LRP5: variants seen among roughly 807,000 people sequenced by gnomAD.
LRP5 encodes the protein low-density lipoprotein receptor-related protein 5.
A neutral mutation model predicts 154.1 loss-of-function variants in LRP5; 62 were observed. That is an observed-to-expected ratio of 0.40 (90% CI 0.33 to 0.50). LRP5 has a LOEUF of 0.50. Ranked by LOEUF, LRP5 falls within the 20% of genes least tolerant of loss-of-function variation. The pLI, the probability that LRP5 is intolerant of heterozygous loss-of-function variation, is 0.55. For synonymous variants in LRP5, 966 were observed against 1,011.5 expected, an observed-to-expected ratio of 0.96 and a Z score of 0.85; for missense variants, 1,915 against 2,336.7, an observed-to-expected ratio of 0.82 and a Z score of 3.72.
chr11:68,420,353 A>G (rs553891011), intron 13 of LRP5, among the ~76,000 whole-genome samples: 3 of 152,272 alleles, frequency 2.0e-5, no homozygotes, highest in South Asian at 2.1e-4. Flanking sequence ...GGTGTCCTCA[A>G]GGTTCATCTG....
intron 1 of LRP5, among the ~76,000 whole-genome samples, chr11:68,343,712 C>T (rs1409694804): frequency 6.6e-6 from 1 of 152,164 alleles, no homozygotes; most frequent in Non-Finnish European, 1.5e-5. Flanking sequence ...ACACAACTCT[C>T]TTCCCAGCGA....
rs114849264 is a variant in LRP5, at chr11:68,381,540, G to A, written c.1016-4776G>A. ...TGCTTGGCCTCGCGGAAGGGATGTC[G>A]CCCTTCTCTCCTGCATGCGTGCAGG... is the stretch of plus-strand genomic sequence containing the variant. On this transcript the variant is annotated intron_variant, in intron 5 of 22. Transcript: ENST00000294304. Among the ~76,000 whole-genome samples the A allele has an allele frequency of 3.7e-3, 565 of 152,238 alleles. 9 individuals carry two copies. The highest frequency in any genetic ancestry group is 0.012 in the African/African-American group (484 of 41,566).
intron 7 of LRP5, among the ~76,000 whole-genome samples, chr11:68,396,088 T>C (rs1223087278): frequency 1.3e-5 from 2 of 152,042 alleles, no homozygotes; most frequent in South Asian, 2.1e-4. Flanking sequence ...GCGGGGACAG[T>C]GGCTGCTGCT....
intron 13 of LRP5, among the ~76,000 whole-genome samples, chr11:68,422,593 G>A (rs2098666421): frequency 6.6e-6 from 1 of 152,176 alleles, no homozygotes; most frequent in Admixed American, 6.5e-5. Context: ...GATGCACAGG[G>A]TGGGCTGGGC....
chr11:68,306,125 ATC>A, the LRP5 span, among the ~76,000 whole-genome samples: 1 of 151,858 alleles, frequency 6.6e-6, no homozygotes, highest in Non-Finnish European at 1.5e-5. Context: ...TCTGTCTCAG[ATC>A]TCTGTCTGCT....
At chr11:68,411,370 C>T (rs547739870) in intron 10 of LRP5, 66 bp from the exon 11 acceptor site, 81 of 1,553,306 alleles carry the variant, frequency 5.2e-5, no homozygotes, top group South Asian at 6.8e-5. Context: ...TGCGTCCCCC[C>T]GCCACCCACT....
chr11:68,439,706 C>T (rs978214077), intron 20 of LRP5, 71 bp from the exon 21 acceptor site: 17 of 1,513,726 alleles, frequency 1.1e-5, no homozygotes, highest in African/African-American at 1.1e-4. Context: ...CAGAGGAGAG[C>T]GCCCTATGTC....
At chr11:68,394,319 C>G (rs568558678) in intron 7 of LRP5, among the ~76,000 whole-genome samples, 8 of 152,252 alleles carry the variant, frequency 5.3e-5, no homozygotes, top group Non-Finnish European at 7.4e-5. Context: ...CTCAGAGGGT[C>G]TGGCAAAGTC....
At chr11:68,327,958 A>G (rs2098600637) in intron 1 of LRP5, among the ~76,000 whole-genome samples, 1 of 152,242 alleles carries the variant, frequency 6.6e-6, no homozygotes, top group South Asian at 2.1e-4. Flanking sequence ...CTTGATTCCA[A>G]GGAAATCAAA....
intron 7 of LRP5, among the ~76,000 whole-genome samples, chr11:68,395,603 A>G (rs2098648864): frequency 6.6e-6 from 1 of 152,022 alleles, no homozygotes. Flanking sequence ...AGGGGGATAC[A>G]TTGCATAAGC....
chr11:68,373,491 C>T (rs1435669483), intron 5 of LRP5, among the ~76,000 whole-genome samples: 2 of 152,180 alleles, frequency 1.3e-5, no homozygotes, highest in Admixed American at 6.5e-5. Context: ...CTGGCTCCCC[C>T]GCCCCTCCTG....
At chr11:68,357,236 A>C (rs1298499116) in intron 2 of LRP5, among the ~76,000 whole-genome samples, 3 of 152,150 alleles carry the variant, frequency 2.0e-5, no homozygotes, top group African/African-American at 7.2e-5. Flanking sequence ...GGCCCAGCCG[A>C]TAGCTCATTT....
chr11:68,411,897 C>G (rs1403803392), intron 11 of LRP5, among the ~76,000 whole-genome samples: 1 of 152,204 alleles, frequency 6.6e-6, no homozygotes, highest in Admixed American at 6.5e-5. Context: ...ATCCCTGTGC[C>G]AGGACTCTAA....
Position 68,318,004 on chromosome 11 carries a change from A to G in LRP5, c.91+5199A>G, listed in dbSNP as rs143401103. On this transcript the variant is annotated intron_variant, in intron 1 of 22. Transcript: ENST00000294304. ...TCTATTGGAGTGTATTTAATTTAAT[A>G]TATATATTTTAAACATCTTTTAGTT... Among the ~76,000 whole-genome samples, 258 of 151,228 alleles carry G rather than the reference A, an allele frequency of 1.7e-3. 1 individual carries two copies. In the South Asian group the frequency reaches 0.039, roughly 23 times the overall value.
upstream of LRP5, among the ~76,000 whole-genome samples, chr11:68,309,789 C>CA (rs1246716805): frequency 4.6e-5 from 7 of 152,148 alleles, no homozygotes; most frequent in African/African-American, 1.4e-4. Flanking sequence ...GAGCAGGCCC[C>CA]ATCCACTTGA....
intron 5 of LRP5, among the ~76,000 whole-genome samples, chr11:68,383,037 C>G (rs968341656): frequency 2.6e-5 from 4 of 152,012 alleles, no homozygotes; most frequent in Non-Finnish European, 5.9e-5. Context: ...GCCACCAGGC[C>G]TGGCATATTT....
rs1049251025 is a variant in LRP5, at chr11:68,354,468, C to G, written c.489-3182C>G. Among the ~76,000 whole-genome samples the G allele has an allele frequency of 3.3e-5, 5 of 152,228 alleles. No individual in the cohort carries two copies. The East Asian group carries it at 5.8e-4, about 18-fold the overall frequency. ...TGGGGAAGGCCTGTGTGGATTCCCC[C>G]CCAAGTCCAGACTGATGCCCCTGAT... On this transcript the variant is annotated intron_variant, in intron 2 of 22. Coordinates refer to ENST00000294304, the MANE Select transcript of LRP5 (RefSeq NM_002335.4).
intron 8 of LRP5, chr11:68,404,189 T>G: frequency 2.2e-6 from 1 of 456,484 alleles, no homozygotes; most frequent in Non-Finnish European, 4.3e-6. Flanking sequence ...AGGAGGTCGT[T>G]GTCTGGCACA....
intron 22 of LRP5, among the ~76,000 whole-genome samples, chr11:68,446,824 G>C (rs117804043): frequency 0.012 from 1,798 of 152,296 alleles, 13 homozygotes; most frequent in African/African-American, 0.018. Context: ...CTGTGGCGTC[G>C]AGGGGCCGGG....
Sources: allele counts gnomAD v4.1 joint callset (sites outside exome capture counted in the v4.1 genomes callset), GRCh38; gene constraint gnomAD v4.1.1; transcripts MANE v1.5; gene names NCBI Gene and HGNC (gene_info 2026-07-23, HGNC 2026-07-21).